Variants in NRXN3 observed in about 807,000 individuals in gnomAD.
NRXN3 encodes the protein neurexin 3.
Under a neutral mutation model 137.6 loss-of-function variants are expected in NRXN3, and 32 were observed. The ratio of observed to expected loss-of-function variants is 0.23; its 90% CI spans 0.18 to 0.31. NRXN3 has a LOEUF of 0.31. Among genes scored for constraint, NRXN3 ranks in the 10% least tolerant of loss-of-function variants. NRXN3 has a pLI of 1.00. For missense variants in NRXN3, 1,574 were observed against 2,062.5 expected, an observed-to-expected ratio of 0.76 and a Z score of 4.59; for synonymous variants, 798 against 784.5, an observed-to-expected ratio of 1.02 and a Z score of -0.29.
chr14:79,560,528 T>G (rs1383909856), intron 16 of NRXN3, among the ~76,000 whole-genome samples: 142 of 135,974 alleles, frequency 1.0e-3, no homozygotes, highest in African/African-American at 3.8e-3. Context: ...TTTTTTTTTT[T>G]GAGATGGAGT....
intron 15 of NRXN3, among the ~76,000 whole-genome samples, chr14:79,233,693 T>C (rs2153286184): frequency 6.6e-6 from 1 of 152,136 alleles, no homozygotes; most frequent in South Asian, 2.1e-4. Context: ...TGTGTGTGTG[T>C]GTGTCTGTTG....
chr14:79,052,390 G>A (rs2099643230), intron 15 of NRXN3, among the ~76,000 whole-genome samples: 1 of 152,182 alleles, frequency 6.6e-6, no homozygotes, highest in Non-Finnish European at 1.5e-5. Flanking sequence ...ATTTTTCAGA[G>A]TACCAGCTTC....
In NRXN3 at chr14:78,588,591, G is replaced by T. The variant is rs554101665; in HGVS notation, c.758-56529G>T. ...CTAGGCAAATCTCTTGGCCTCTCTG[G>T]GCCATGAGATGCAACACTATAAATC... On this transcript the variant is annotated intron_variant, in intron 4 of 20. Coordinates refer to ENST00000335750, the MANE Select transcript of NRXN3 (RefSeq NM_001330195.2). Among the ~76,000 whole-genome samples the T allele has an allele frequency of 3.3e-5, 5 of 152,178 alleles. No homozygotes were observed. The East Asian group carries it at 9.6e-4, about 29-fold the overall frequency.
At chr14:78,968,098 C>G (rs1157933041) in intron 13 of NRXN3, 75 bp from the exon 14 acceptor site, 2 of 385,368 alleles carry the variant, frequency 5.2e-6, no homozygotes, top group Non-Finnish European at 8.1e-6. Flanking sequence ...TGAATTATCT[C>G]AAGTGTATCA....
At chr14:78,316,941 A>G (rs1027046376) in intron 4 of NRXN3, among the ~76,000 whole-genome samples, 2 of 152,164 alleles carry the variant, frequency 1.3e-5, no homozygotes, top group African/African-American at 4.8e-5. Flanking sequence ...CCTTGACTGT[A>G]TTAGTCAGGG....
At chr14:78,929,272 G>A (rs1316135424) in intron 10 of NRXN3, among the ~76,000 whole-genome samples, 1 of 152,066 alleles carries the variant, frequency 6.6e-6, no homozygotes, top group Non-Finnish European at 1.5e-5. Flanking sequence ...CTTATGTCAT[G>A]GAGGTTTGTT....
At chr14:78,509,792 C>T (rs905540780) in intron 4 of NRXN3, among the ~76,000 whole-genome samples, 2 of 152,074 alleles carry the variant, frequency 1.3e-5, no homozygotes, top group African/African-American at 4.8e-5. Flanking sequence ...GTGGACTCTT[C>T]TACCTGCTTG....
chr14:78,429,579 A>T (rs1415554728), intron 4 of NRXN3, among the ~76,000 whole-genome samples: 1 of 152,306 alleles, frequency 6.6e-6, no homozygotes, highest in South Asian at 2.1e-4. Flanking sequence ...GATTTTACTC[A>T]GATAGTCACA....
intron 15 of NRXN3, among the ~76,000 whole-genome samples, chr14:79,094,979 A>AGAGAGAGAGAGTGT (rs553957969): frequency 1.3e-4 from 15 of 115,880 alleles, no homozygotes; most frequent in Non-Finnish European, 2.1e-4. Context: ...AGAGAGAGAG[A>AGAGAGAGAGAGTGT]GTGTGTGTGT....
At chr14:79,389,437 C>T (rs763942907) in intron 15 of NRXN3, among the ~76,000 whole-genome samples, 3 of 152,208 alleles carry the variant, frequency 2.0e-5, no homozygotes, top group African/African-American at 2.4e-5. Flanking sequence ...GCCCTTGTGA[C>T]CTAGTCACCA....
At chr14:79,139,307 C>T (rs1454394070) in intron 15 of NRXN3, among the ~76,000 whole-genome samples, 1 of 152,150 alleles carries the variant, frequency 6.6e-6, no homozygotes, top group Non-Finnish European at 1.5e-5. Flanking sequence ...TCACAGAAGA[C>T]TTCAGGATTT....
intron 19 of NRXN3, among the ~76,000 whole-genome samples, chr14:79,776,336 A>C (rs1174221554): frequency 6.6e-6 from 1 of 152,208 alleles, no homozygotes; most frequent in East Asian, 1.9e-4. Context: ...TGGGCTCTCA[A>C]TAAATATTGA....
chr14:78,792,257 C>CAAAAAAAAAAAAAAAA (rs140968788), intron 8 of NRXN3, among the ~76,000 whole-genome samples: 1 of 19,456 alleles, frequency 5.1e-5, no homozygotes, highest in Admixed American at 1.0e-3. Flanking sequence ...AGACTAAAGG[C>CAAAAAAAAAAAAAAAA]AAAAAAAAAA....
intron 4 of NRXN3, among the ~76,000 whole-genome samples, chr14:78,599,040 C>T (rs2097181545): frequency 6.6e-6 from 1 of 152,142 alleles, no homozygotes; most frequent in Non-Finnish European, 1.5e-5. Flanking sequence ...GGCAATAATA[C>T]AAGAGGATTA....
intron 15 of NRXN3, among the ~76,000 whole-genome samples, chr14:79,144,296 A>G (rs1171041004): frequency 1.3e-5 from 2 of 152,172 alleles, no homozygotes; most frequent in Non-Finnish European, 2.9e-5. Context: ...CTCCCAAAAG[A>G]CTTGAGGTTG....
intron 4 of NRXN3, among the ~76,000 whole-genome samples, chr14:78,438,343 G>A (rs904845167): frequency 1.3e-4 from 20 of 152,120 alleles, no homozygotes; most frequent in African/African-American, 4.8e-4. Flanking sequence ...CAAAAATAAA[G>A]TTTGGTGTCC....
intron 4 of NRXN3, among the ~76,000 whole-genome samples, chr14:78,596,041 CGACGCACAT>C (rs2097155476): frequency 6.6e-6 from 1 of 152,168 alleles, no homozygotes; most frequent in Admixed American, 6.5e-5. Flanking sequence ...AAATGTTCTA[CGACGCACAT>C]GACAGTGCCA....
At chr14:79,408,589 CTT>C (rs995953913) in intron 15 of NRXN3, among the ~76,000 whole-genome samples, 1 of 152,016 alleles carries the variant, frequency 6.6e-6, no homozygotes, top group African/African-American at 2.4e-5. Context: ...CACCCAATGA[CTT>C]TTTTTGAAGG....
intron 17 of NRXN3, among the ~76,000 whole-genome samples, chr14:79,689,816 G>A (rs2098709541): frequency 6.6e-6 from 1 of 152,028 alleles, no homozygotes; most frequent in African/African-American, 2.4e-5. Context: ...TGCTTAGGAG[G>A]GACAAGGGCC....
Sources: gnomAD v4.1 joint callset for allele counts (sites outside exome capture counted in the v4.1 genomes callset) on GRCh38, gnomAD v4.1.1 for gene constraint, MANE v1.5 for transcripts, NCBI Gene and HGNC (gene_info 2026-07-23, HGNC 2026-07-21) for gene names.